The following MAP4 variants were observed in gnomAD, a reference collection of about 807,000 sequenced individuals.
MAP4 encodes the protein microtubule-associated protein 4.
A neutral mutation model predicts 170.2 loss-of-function variants in MAP4; 76 were observed. The ratio of observed to expected loss-of-function variants is 0.45; its 90% CI spans 0.37 to 0.54. The LOEUF is 0.54. MAP4 is among the 20% of genes least tolerant of loss of function. The pLI is 0.00. For synonymous variants in MAP4, 909 were observed against 994.5 expected (o/e 0.91, Z 1.62); for missense variants, 2,506 against 2,748.0 (o/e 0.91, Z 1.97).
chr3:47,967,834 G>A (rs2100075990), intron 3 of MAP4, among the ~76,000 whole-genome samples: 1 of 152,050 alleles, frequency 6.6e-6, no homozygotes, highest in African/African-American at 2.4e-5. Flanking sequence ...ATGGTGGTGT[G>A]CACCTGTAGT....
chr3:48,046,708 C>A (rs1227812063), intron 1 of MAP4, among the ~76,000 whole-genome samples: 1 of 152,202 alleles, frequency 6.6e-6, no homozygotes, highest in Non-Finnish European at 1.5e-5. Flanking sequence ...TAAAATCAGA[C>A]CACCTGAATT....
Position 47,871,902 on chromosome 3 carries a change from A to C in MAP4, c.5941+15T>G. On this transcript the variant is annotated intron_variant, in intron 13 of 20. Transcript: ENST00000683076. ...CCCCTCCCTAGTTCCCATGGGAGAGAAAGGCAATACTCACCAGTGGGCTTC... is the reference window on the plus strand; with the variant it reads ...CCCCTCCCTAGTTCCCATGGGAGAGCAAGGCAATACTCACCAGTGGGCTTC... The C allele has an allele frequency of 6.3e-7, 1 of 1,595,350 alleles. No individual in the cohort carries two copies. Among genetic ancestry groups the C allele is most frequent in the Non-Finnish European group, 8.6e-7 (1 of 1,166,778 alleles).
At chr3:48,066,709 T>A (rs562576534) in intron 1 of MAP4, among the ~76,000 whole-genome samples, 3 of 152,156 alleles carry the variant, frequency 2.0e-5, no homozygotes, top group Admixed American at 6.6e-5. Flanking sequence ...ATCCTCAGAT[T>A]TTCTTATCTG....
chr3:48,065,226 G>A (rs2100137787), intron 1 of MAP4, among the ~76,000 whole-genome samples: 1 of 152,138 alleles, frequency 6.6e-6, no homozygotes, highest in South Asian at 2.1e-4. Flanking sequence ...TCATAACCAT[G>A]ACTAACATTA....
At chr3:48,041,543 T>A (rs2100121646) in intron 1 of MAP4, among the ~76,000 whole-genome samples, 1 of 152,200 alleles carries the variant, frequency 6.6e-6, no homozygotes, top group Non-Finnish European at 1.5e-5. Context: ...ATGGCAATGC[T>A]TCCCAAACTG....
chr3:47,884,133 T>G (rs1226828695), intron 10 of MAP4, among the ~76,000 whole-genome samples: 1 of 152,224 alleles, frequency 6.6e-6, no homozygotes, highest in African/African-American at 2.4e-5. Context: ...ATGTTAGATC[T>G]TTTGTTATTG....
chr3:47,947,322 C>T (rs912614263), intron 3 of MAP4, among the ~76,000 whole-genome samples: 5 of 152,162 alleles, frequency 3.3e-5, no homozygotes, highest in African/African-American at 1.2e-4. Context: ...TCCTGGCACC[C>T]AGCTGGACTT....
At chr3:47,914,549 C>CAA (rs748273674) in intron 8 of MAP4, among the ~76,000 whole-genome samples, 1 of 60,048 alleles carries the variant, frequency 1.7e-5, no homozygotes. Flanking sequence ...GACTCTGTCT[C>CAA]AAAAAAAAAA....
rs1329854025 is a variant in MAP4, at chr3:48,067,061, C to T, written c.-20+21712G>A. ...TTCACCATGCTAGCCAGGATGGTCT[C>T]GATCTTCTGACCTGGTAATCCGCCC... On this transcript the variant is annotated intron_variant, in intron 1 of 18. Transcript: ENST00000360240. 4.6e-5 allele frequency among the ~76,000 whole-genome samples: 7 copies of T among 151,784 alleles called. 1 individual carries two copies. Among genetic ancestry groups the T allele is most frequent in the Admixed American group, 1.3e-4 (2 of 15,218 alleles).
chr3:47,924,135 A>G (rs913896705), intron 4 of MAP4, among the ~76,000 whole-genome samples: 1 of 152,192 alleles, frequency 6.6e-6, no homozygotes, highest in Non-Finnish European at 1.5e-5. Flanking sequence ...AGTATGCTCT[A>G]AAAAACCCAA....
In MAP4 at chr3:47,853,367, T is replaced by C. The variant is rs1213744983; in HGVS notation, c.6697-15A>G. The C allele has an allele frequency of 1.3e-6, 2 of 1,577,274 alleles. No individual in the cohort carries two copies. The highest frequency in any genetic ancestry group is 2.3e-5 in the East Asian group (1 of 43,846). On this transcript the variant is annotated splice_polypyrimidine_tract_variant and intron_variant, in intron 19 of 20. Transcript: ENST00000683076. ...CCGCCCTCAGTCTACAATGAAACAG[T>C]GGGGGAGACAGTGCAGGGTCAGTCG...
chr3:47,882,723 C>A (rs1320153470), intron 10 of MAP4, among the ~76,000 whole-genome samples: 1 of 151,910 alleles, frequency 6.6e-6, no homozygotes. Flanking sequence ...TACAGATGCA[C>A]ACCGCCACAC....
At chr3:48,038,459 CTTTTTTTTTTT>C (rs397989482) in intron 1 of MAP4, among the ~76,000 whole-genome samples, 1 of 121,992 alleles carries the variant, frequency 8.2e-6, no homozygotes, top group East Asian at 2.4e-4. Flanking sequence ...TGCACTGAAA[CTTTTTTTTTTT>C]TTTTTTTTGA....
At chr3:47,989,483 A>G (rs2100090862) in intron 2 of MAP4, among the ~76,000 whole-genome samples, 1 of 152,214 alleles carries the variant, frequency 6.6e-6, no homozygotes, top group African/African-American at 2.4e-5. Context: ...ACTGTTATTA[A>G]CTATATGTTG....
chr3:47,977,859 A>C lies in MAP4; in HGVS notation c.292+6T>G. The C allele has an allele frequency of 6.2e-7, 1 of 1,605,046 alleles. No individual in the cohort carries two copies. Among genetic ancestry groups the C allele is most frequent in the Non-Finnish European group, 8.5e-7 (1 of 1,172,312 alleles). On this transcript the variant is annotated splice_donor_region_variant and intron_variant, in intron 3 of 20. Coordinates refer to ENST00000683076, the MANE Select transcript of MAP4 (RefSeq NM_001385682.1). ...ACACATTTGGGGAATCCTGGGAATC[A>C]CTTACCTGTAGTATCGCTCCCTTCT...
At chr3:47,882,541 T>C (rs1183847856) in intron 10 of MAP4, among the ~76,000 whole-genome samples, 2 of 152,190 alleles carry the variant, frequency 1.3e-5, no homozygotes, top group South Asian at 2.1e-4. Flanking sequence ...TTGCTCTGTA[T>C]AGTTTTCTTA....
At chr3:48,002,991 A>AATTAATTAATTAATT (rs1559772840) in intron 1 of MAP4, among the ~76,000 whole-genome samples, 1 of 150,546 alleles carries the variant, frequency 6.6e-6, no homozygotes, top group African/African-American at 2.5e-5. Context: ...ATAAATAAAT[A>AATTAATTAATTAATT]AATTTAATTC....
At chr3:48,042,435 TTAA>T (rs1193880101) in intron 1 of MAP4, among the ~76,000 whole-genome samples, 5 of 152,180 alleles carry the variant, frequency 3.3e-5, no homozygotes, top group Non-Finnish European at 7.3e-5. Flanking sequence ...CTCTGGCAAC[TTAA>T]TAATAAAAAG....
chr3:47,975,273 G>C (rs2100081301), intron 3 of MAP4: 2 of 1,459,564 alleles, frequency 1.4e-6, no homozygotes, highest in African/African-American at 1.4e-5. Flanking sequence ...AGCACAAGAG[G>C]AAGCAGGTTG....
Sources: allele counts gnomAD v4.1 joint callset (sites outside exome capture counted in the v4.1 genomes callset), GRCh38; gene constraint gnomAD v4.1.1; transcripts MANE v1.5; gene names NCBI Gene and HGNC (gene_info 2026-07-23, HGNC 2026-07-21).